Variants in ADCY2 observed in about 807,000 individuals in gnomAD.
ADCY2 encodes adenylate cyclase type 2.
Under a neutral mutation model 125.2 loss-of-function variants are expected in ADCY2, and 31 were observed. The observed-to-expected ratio is 0.25, with a 90% confidence interval of 0.19 to 0.33. The LOEUF is 0.33. ADCY2 is among the 10% of genes least tolerant of loss of function. The pLI is 1.00. For missense variants in ADCY2, 904 were observed against 1,418.2 expected, an observed-to-expected ratio of 0.64 and a Z score of 5.82; for synonymous variants, 512 against 548.4, an observed-to-expected ratio of 0.93 and a Z score of 0.93.
intron 1 of ADCY2, among the ~76,000 whole-genome samples, chr5:7,409,226 T>C (rs1167271953): frequency 6.6e-6 from 1 of 152,058 alleles, no homozygotes; most frequent in African/African-American, 2.4e-5. Context: ...CTGAGGCCTA[T>C]CTGAGGAGGG....
chr5:7,654,856 A>T, intron 4 of ADCY2, among the ~76,000 whole-genome samples: 1 of 152,214 alleles, frequency 6.6e-6, no homozygotes, highest in East Asian at 1.9e-4. Context: ...AATACTGAAA[A>T]GGAGGCCGAG....
In ADCY2 at chr5:7,802,739, C is replaced by T. The variant is rs1008073102; in HGVS notation, c.2775+375C>T. Among the ~76,000 whole-genome samples, 1 of 152,130 alleles carries T rather than the reference C, an allele frequency of 6.6e-6. No homozygotes were observed. The highest frequency in any genetic ancestry group is 1.5e-5 in the Non-Finnish European group (1 of 68,032). ...GGTGTGTCTGTGCCTACTTCAATGCCTTTGTCAGATATCAACTTGCACTAT... is the reference window on the plus strand; with the variant it reads ...GGTGTGTCTGTGCCTACTTCAATGCTTTTGTCAGATATCAACTTGCACTAT... On this transcript the variant is annotated intron_variant, in intron 21 of 24. Transcript: ENST00000338316. The surrounding 1 kb of genome is among the most constrained non-coding windows in gnomAD (Gnocchi z 4.6).
In ADCY2 at chr5:7,773,068, T is replaced by A. The variant is rs1743605430; in HGVS notation, c.2351T>A (p.Val784Asp). ...NTILLHTHAH[V>D]LGDYSQVLFE... ...ATCCTACTCCACACCCACGCCCACG[T>A]CCTGGGCGACTACAGCCAGGTCTTA... The change falls in exon 18 of 25, where the codon GTC (valine) becomes GAC (aspartate). Residue 784 changes from valine (V) to aspartate (D), a missense_variant. Around this residue, in one of 7 missense-constraint regions of ADCY2, gnomAD observed 221 missense variants for 246.2 expected, o/e 0.90. Transcript: ENST00000338316. The A allele has an allele frequency of 5.0e-6, 8 of 1,613,996 alleles. No individual in the cohort carries two copies. The highest frequency in any genetic ancestry group is 2.7e-5 in the African/African-American group (2 of 74,932).
At chr5:7,622,369 C>G (rs939845861) in intron 3 of ADCY2, among the ~76,000 whole-genome samples, 2 of 152,050 alleles carry the variant, frequency 1.3e-5, no homozygotes, top group African/African-American at 4.8e-5. Context: ...AAGGATGAAA[C>G]CGGGTATCAG....
chr5:7,777,675 T>G (rs1234447846), intron 18 of ADCY2, among the ~76,000 whole-genome samples: 1 of 152,250 alleles, frequency 6.6e-6, no homozygotes, highest in Non-Finnish European at 1.5e-5. Flanking sequence ...GCAAGGCCTT[T>G]TCAGAACCAA....
intron 4 of ADCY2, among the ~76,000 whole-genome samples, chr5:7,660,845 A>C (rs1398193538): frequency 6.6e-6 from 1 of 152,176 alleles, no homozygotes; most frequent in African/African-American, 2.4e-5. Flanking sequence ...ACAACTGGGC[A>C]CAATGGCCTA....
intron 3 of ADCY2, among the ~76,000 whole-genome samples, chr5:7,550,750 G>C (rs1235700389): frequency 6.6e-6 from 1 of 152,042 alleles, no homozygotes; most frequent in East Asian, 1.9e-4. Flanking sequence ...TCCCAGCATG[G>C]TATCCCATGC....
At chr5:7,748,539 C>CACAG (rs1553984365) in intron 15 of ADCY2, among the ~76,000 whole-genome samples, 95 of 148,880 alleles carry the variant, frequency 6.4e-4, no homozygotes, top group Admixed American at 1.1e-3. Flanking sequence ...CACACACACA[C>CACAG]ACACACACAC....
intron 4 of ADCY2, among the ~76,000 whole-genome samples, chr5:7,646,665 T>G (rs1375196560): frequency 2.0e-5 from 3 of 152,188 alleles, no homozygotes; most frequent in Admixed American, 6.5e-5. Context: ...GCTTATTACA[T>G]TTAAGCTGTG....
rs150592510 is a variant in ADCY2 at position 7,603,359 on chromosome 5, C to T, written c.571-22808C>T. On this transcript the variant is annotated intron_variant, in intron 3 of 24. Coordinates refer to ENST00000338316, the MANE Select transcript of ADCY2 (RefSeq NM_020546.3). ...AGAGCCCCTACAGGGCTTCTGCCAC[C>T]CAGGTTGTGCTGGTGTTCACATGTC... 5.6e-3 allele frequency among the ~76,000 whole-genome samples: 855 copies of T among 152,278 alleles called. 9 individuals are homozygous for T. The highest frequency in any genetic ancestry group is 0.019 in the African/African-American group (801 of 41,544).
chr5:7,783,906 G>A lies in ADCY2; in HGVS notation c.2385-459G>A, dbSNP rs115572651. ...TCATATGAAAGAGTGAATAAGATTG[G>A]ATGACTGCTTGAAAGTTATATGAAA... On this transcript the variant is annotated intron_variant, in intron 18 of 24. Coordinates refer to ENST00000338316, the MANE Select transcript of ADCY2 (RefSeq NM_020546.3). Among the ~76,000 whole-genome samples, 534 of 152,256 alleles carry A rather than the reference G, an allele frequency of 3.5e-3. 3 individuals carry two copies. Among genetic ancestry groups the A allele is most frequent in the African/African-American group, 0.012 (515 of 41,552 alleles).
chr5:7,677,623 C>T (rs1231811250), intron 4 of ADCY2, among the ~76,000 whole-genome samples: 1 of 152,142 alleles, frequency 6.6e-6, no homozygotes, highest in Non-Finnish European at 1.5e-5. Flanking sequence ...CAGCCCATGG[C>T]CAGCAGCAAT....
chr5:7,673,747 G>A (rs929109766), intron 4 of ADCY2, among the ~76,000 whole-genome samples: 2 of 152,302 alleles, frequency 1.3e-5, no homozygotes, highest in East Asian at 3.9e-4. Flanking sequence ...GTGGGGGACA[G>A]GGGAAGCTGA....
chr5:7,545,529 G>T (rs891309829), intron 3 of ADCY2, among the ~76,000 whole-genome samples: 1 of 152,132 alleles, frequency 6.6e-6, no homozygotes, highest in Non-Finnish European at 1.5e-5. Context: ...TGCTCTCGAC[G>T]TGTAGAAGTT....
chr5:7,781,289 G>A (rs1743916179), intron 18 of ADCY2, among the ~76,000 whole-genome samples: 1 of 152,138 alleles, frequency 6.6e-6, no homozygotes, highest in Non-Finnish European at 1.5e-5. Flanking sequence ...GGGCTGAATT[G>A]TGTCCCCCAA....
intron 3 of ADCY2, among the ~76,000 whole-genome samples, chr5:7,527,230 A>G (rs78530396): frequency 0.016 from 2,473 of 152,318 alleles, 87 homozygotes; most frequent in African/African-American, 0.056. Flanking sequence ...CCTTCCAGCC[A>G]GGCTCAGTGG....
At chr5:7,629,997 A>T (rs1340249317) in intron 4 of ADCY2, among the ~76,000 whole-genome samples, 1 of 152,238 alleles carries the variant, frequency 6.6e-6, no homozygotes, top group Non-Finnish European at 1.5e-5. Context: ...ATAATTTAAC[A>T]AATTTTTATG....
chr5:7,550,249 T>C (rs978141349), intron 3 of ADCY2, among the ~76,000 whole-genome samples: 1 of 152,216 alleles, frequency 6.6e-6, no homozygotes, highest in Non-Finnish European at 1.5e-5. Context: ...GAACTTTTTT[T>C]AAAGAACGAA....
At chr5:7,429,684 AG>A (rs1350456593) in intron 2 of ADCY2, among the ~76,000 whole-genome samples, 2 of 152,234 alleles carry the variant, frequency 1.3e-5, no homozygotes, top group Non-Finnish European at 2.9e-5. Flanking sequence ...GAAGAAATTA[AG>A]GGGAAATTAG....
Sources: allele counts gnomAD v4.1 joint callset (sites outside exome capture counted in the v4.1 genomes callset), GRCh38; gene constraint gnomAD v4.1.1; regional missense constraint gnomAD v4.1.1; non-coding constraint Gnocchi (gnomAD v3.1); transcripts MANE v1.5; gene names NCBI Gene and HGNC (gene_info 2026-07-23, HGNC 2026-07-21).